The following RNF126 variants were observed in gnomAD, a reference collection of about 807,000 sequenced individuals.
RNF126 encodes the protein E3 ubiquitin-protein ligase RNF126.
RNF126 carries 20 observed loss-of-function variants against 41.9 expected under a neutral mutation model. The observed-to-expected ratio is 0.48, with a 90% confidence interval of 0.34 to 0.69. RNF126 has a LOEUF of 0.69. Among genes scored for constraint, RNF126 ranks in the 30% least tolerant of loss-of-function variants. The probability of loss-of-function intolerance (pLI) is 0.01; values close to 1 mark genes in which losing one functional copy is unlikely to be tolerated. For synonymous variants in RNF126, 239 were observed against 202.9 expected, an observed-to-expected ratio of 1.18 and a Z score of -1.51; for missense variants, 433 against 460.6, an observed-to-expected ratio of 0.94 and a Z score of 0.55.
intron 8 of RNF126, 45 bp downstream of exon 8, chr19:648,327 G>A: frequency 6.5e-7 from 1 of 1,526,856 alleles, no homozygotes; most frequent in South Asian, 1.2e-5. Context: ...TTAGAGGCGG[G>A]AGGGCCGCGG....
At position 649,437 on chromosome 19, in the gene RNF126, C is replaced by T. The variant is rs1296837176; in HGVS notation, c.576+242G>A. 9 of 546,282 alleles carry T rather than the reference C, an allele frequency of 1.6e-5. No individual in the cohort carries two copies. The East Asian group carries it at 2.8e-4, about 17-fold the overall frequency. The allele number at this position is 546,282 out of a possible 1,614,324, so 33.8% of individuals were successfully genotyped here. A position where few individuals can be genotyped will look rare whatever the true frequency, so the allele number is the denominator to read the frequency against. ...CCTGACCATGTGACTGTGGGCGAGT[C>T]CTCCCCGCGGTTTTGCTACAACGTT... On this transcript the variant is annotated intron_variant, in intron 6 of 8. Transcript: ENST00000292363.
intron 1 of RNF126, among the ~76,000 whole-genome samples, chr19:657,794 G>A (rs1262905388): frequency 2.6e-5 from 4 of 152,316 alleles, no homozygotes; most frequent in African/African-American, 7.2e-5. Context: ...CTCTGGTCAC[G>A]AAGGCAAGTG....
At chr19:654,963 G>A (rs932807310) in intron 1 of RNF126, among the ~76,000 whole-genome samples, 3 of 149,938 alleles carry the variant, frequency 2.0e-5, no homozygotes, top group Non-Finnish European at 4.4e-5. Flanking sequence ...GTGAGACTCC[G>A]TATCGGGAAA....
chr19:648,547 G>A lies in RNF126; in HGVS notation c.671-60C>T, dbSNP rs544230009. The A allele has an allele frequency of 6.4e-5, 86 of 1,352,898 alleles. No homozygotes were observed. The African/African-American group carries it at 1.2e-3, about 18-fold the overall frequency. The allele number at this position is 1,352,898 out of a possible 1,614,324, so 83.8% of individuals were successfully genotyped here. On this transcript the variant is annotated intron_variant, in intron 7 of 8. Transcript: ENST00000292363. ...TGGGGGGCCTGCCGAGCCTTCAAGGGCAGGCTACTCCACAGCCTCAGCCGG... is the reference window on the plus strand; with the variant it reads ...TGGGGGGCCTGCCGAGCCTTCAAGGACAGGCTACTCCACAGCCTCAGCCGG...
chr19:654,962 C>T (rs921010527), intron 1 of RNF126, among the ~76,000 whole-genome samples: 2 of 150,190 alleles, frequency 1.3e-5, no homozygotes, highest in Admixed American at 6.7e-5. Context: ...AGTGAGACTC[C>T]GTATCGGGAA....
intron 2 of RNF126, 142 bp downstream of exon 2, chr19:652,684 A>T: frequency 4.0e-6 from 3 of 751,660 alleles, no homozygotes; most frequent in Non-Finnish European, 6.8e-6. Context: ...CTGTCTGCAC[A>T]GAGAAAAGTG....
At chr19:651,937 G>T (rs778194051) in intron 3 of RNF126, 82 bp from the exon 4 acceptor site, 1 of 1,352,000 alleles carries the variant, frequency 7.4e-7, no homozygotes, top group Non-Finnish European at 1.0e-6. Context: ...AGACAAAGGA[G>T]AAAGCAAGAC....
At position 659,307 on chromosome 19, in the gene RNF126, G is replaced by T. The variant is rs1036720981; in HGVS notation, c.75+3740C>A. Among the ~76,000 whole-genome samples, 1 of 152,176 alleles carries T rather than the reference G, an allele frequency of 6.6e-6. No homozygotes were observed. The highest frequency in any genetic ancestry group is 6.5e-5 in the Admixed American group (1 of 15,270). The stretch of plus-strand genomic sequence containing the variant: ...GGAGACTTCCCGCCTGGCCCCATCA[G>T]TGACACTGGCCGTAGCAGCCCTCAC... On this transcript the variant is annotated intron_variant, in intron 1 of 8. Transcript: ENST00000292363. This position sits in a 1 kb window ranked among gnomAD's most constrained non-coding sequence, Gnocchi z 4.9.
intron 4 of RNF126, 123 bp downstream of exon 4, chr19:651,488 C>A: frequency 2.0e-6 from 2 of 1,011,202 alleles, no homozygotes; most frequent in South Asian, 2.4e-5. Flanking sequence ...CCTGGCCGGG[C>A]GGCCTCTCCA....
chr19:648,070 G>A lies in RNF126; in HGVS notation c.*58C>T, dbSNP rs2030047231. The A allele has an allele frequency of 6.7e-7, 1 of 1,489,430 alleles. No individual in the cohort carries two copies. The highest frequency in any genetic ancestry group is 8.9e-7 in the Non-Finnish European group (1 of 1,118,616). The allele number at this position is 1,489,430 out of a possible 1,614,324, so 92.3% of individuals were successfully genotyped here. A position where few individuals can be genotyped will look rare whatever the true frequency, so the allele number is the denominator to read the frequency against. On this transcript the variant is annotated 3_prime_UTR_variant, in exon 9 of 9. Coordinates refer to ENST00000292363, the MANE Select transcript of RNF126 (RefSeq NM_194460.3). ...GGCACCCAGTCTGTGGGTGCCGTGTGGCGCTGGCTGAGGGTGGGTGGGAAA... is the reference window on the plus strand; with the variant it reads ...GGCACCCAGTCTGTGGGTGCCGTGTAGCGCTGGCTGAGGGTGGGTGGGAAA...
intron 2 of RNF126, chr19:652,543 C>T (rs1405422368): frequency 1.0e-5 from 6 of 602,304 alleles, no homozygotes; most frequent in Admixed American, 9.0e-5. Context: ...GTAGGGCCCC[C>T]GTGGCCCCTT....
chr19:648,817 G>A (rs1268566341), intron 7 of RNF126, 65 bp downstream of exon 7: 18 of 965,366 alleles, frequency 1.9e-5, no homozygotes, highest in Admixed American at 1.5e-4. Context: ...GAAAATACAA[G>A]TATGAGCCAG....
chr19:656,342 CAAAA>C (rs1250813846), intron 1 of RNF126, among the ~76,000 whole-genome samples: 3 of 150,966 alleles, frequency 2.0e-5, no homozygotes, highest in Non-Finnish European at 3.0e-5. Flanking sequence ...AAAACAAAAA[CAAAA>C]AAAAGAAAGA....
At chr19:658,938 C>A (rs1026680491) in intron 1 of RNF126, among the ~76,000 whole-genome samples, 2 of 152,212 alleles carry the variant, frequency 1.3e-5, no homozygotes, top group African/African-American at 2.4e-5. Flanking sequence ...AAATTCAGCA[C>A]CGGCATCTGC....
chr19:662,425 A>G (rs1257480901), intron 1 of RNF126, among the ~76,000 whole-genome samples: 1 of 152,166 alleles, frequency 6.6e-6, no homozygotes, highest in African/African-American at 2.4e-5. Flanking sequence ...GGAGGAACGC[A>G]GGCTCTGCTC....
intron 2 of RNF126, 153 bp from the exon 3 acceptor site, chr19:652,449 G>A (rs566723487): frequency 2.7e-5 from 19 of 692,304 alleles, no homozygotes; most frequent in Admixed American, 9.5e-5. Context: ...GCCGTAACCC[G>A]CTGCTGCTTC....
At chr19:661,800 T>C (rs1448847012) in intron 1 of RNF126, among the ~76,000 whole-genome samples, 1 of 152,132 alleles carries the variant, frequency 6.6e-6, no homozygotes, top group Non-Finnish European at 1.5e-5. Context: ...CAGTAAATCC[T>C]CAATGCCTGC....
intron 4 of RNF126, 170 bp downstream of exon 4, chr19:651,441 C>T (rs928296261): frequency 8.3e-5 from 48 of 578,934 alleles, no homozygotes; most frequent in East Asian, 1.2e-4. Context: ...CTTCTGTCTC[C>T]GAAGGGCCGT....
chr19:648,604 A>C, intron 7 of RNF126, 117 bp from the exon 8 acceptor site: 1 of 830,560 alleles, frequency 1.2e-6, no homozygotes, highest in South Asian at 1.6e-5. Flanking sequence ...AGGGGAGAAA[A>C]GCCGTGTGTG....
Sources: gnomAD v4.1 joint callset for allele counts (sites outside exome capture counted in the v4.1 genomes callset) on GRCh38, gnomAD v4.1.1 for gene constraint, Gnocchi (gnomAD v3.1) non-coding constraint, MANE v1.5 for transcripts, NCBI Gene and HGNC (gene_info 2026-07-23, HGNC 2026-07-21) for gene names.